Variants in TGM3 observed in about 807,000 individuals in gnomAD.
TGM3 encodes transglutaminase 3.
In TGM3, 52 loss-of-function variants were observed where a neutral mutation model predicts 73.8. That is an observed-to-expected ratio of 0.70 (90% CI 0.56 to 0.89). The LOEUF (loss-of-function observed/expected upper bound fraction) is 0.89. Ranked by LOEUF, TGM3 falls within the 40% of genes least tolerant of loss-of-function variation. The pLI is 0.00. For synonymous variants in TGM3, 372 were observed against 354.9 expected (o/e 1.05, Z -0.54); for missense variants, 928 against 909.9 (o/e 1.02, Z -0.26).
intron 12 of TGM3, among the ~76,000 whole-genome samples, chr20:2,340,224 G>T (rs1355738966): frequency 6.6e-6 from 1 of 152,114 alleles, no homozygotes; most frequent in Non-Finnish European, 1.5e-5. Context: ...AGAATATTTG[G>T]GAGATCATGG....
chr20:2,327,165 G>T (rs2122239586), intron 8 of TGM3, among the ~76,000 whole-genome samples: 1 of 152,254 alleles, frequency 6.6e-6, no homozygotes, highest in African/African-American at 2.4e-5. Context: ...AAACTATCAA[G>T]GCTCATTAGA....
chr20:2,301,857 C>T (rs575718300), intron 1 of TGM3, among the ~76,000 whole-genome samples: 11 of 152,266 alleles, frequency 7.2e-5, no homozygotes, highest in South Asian at 6.2e-4. Flanking sequence ...TGTGTCACCA[C>T]GTCCGGCTAA....
intron 7 of TGM3, among the ~76,000 whole-genome samples, chr20:2,318,120 A>G (rs979048708): frequency 2.0e-5 from 3 of 152,004 alleles, no homozygotes; most frequent in Non-Finnish European, 2.9e-5. Flanking sequence ...CCCAGGTTCA[A>G]GTGATTCTCC....
Position 2,339,989 on chromosome 20 carries a change from T to G in TGM3, c.1934+2T>G, listed in dbSNP as rs2084371746. 7.3e-7 allele frequency: 1 copy of G among 1,362,330 alleles called. No homozygotes were observed. Among genetic ancestry groups the G allele is most frequent in the Non-Finnish European group, 9.6e-7 (1 of 1,036,302 alleles). 84.4% of individuals were successfully genotyped at this position (1,362,330 alleles called of 1,614,324 possible). A position where few individuals can be genotyped will look rare whatever the true frequency, so the allele number is the denominator to read the frequency against. On this transcript the variant is annotated splice_donor_variant, in intron 12 of 12. Transcript: ENST00000381458. LOFTEE classifies it high-confidence loss of function. Reference sequence around the variant, plus strand: ...GCTGTTGGGTAACCTGAAGATCGAGTGAGTCCTGGGCCTAAGTGGCCGGTG... The same window carrying G: ...GCTGTTGGGTAACCTGAAGATCGAGGGAGTCCTGGGCCTAAGTGGCCGGTG...
At chr20:2,317,943 C>CATATATATATATATATATATATAT (rs61329150) in intron 7 of TGM3, among the ~76,000 whole-genome samples, 1 of 36,192 alleles carries the variant, frequency 2.8e-5, no homozygotes, top group African/African-American at 4.7e-5. Flanking sequence ...ATATATATAT[C>CATATATATATATATATATATATAT]ATATATATAT....
chr20:2,330,183 G>A (rs1266392299), intron 9 of TGM3, among the ~76,000 whole-genome samples: 1 of 152,196 alleles, frequency 6.6e-6, no homozygotes, highest in Admixed American at 6.5e-5. Context: ...CCCCAGAGAG[G>A]AAAAGCTCAT....
intron 7 of TGM3, among the ~76,000 whole-genome samples, chr20:2,322,667 A>T (rs2084268262): frequency 6.6e-6 from 1 of 152,192 alleles, no homozygotes. Flanking sequence ...AAGTCACTTA[A>T]CTTCCCTGAA....
chr20:2,328,704 G>A lies in TGM3; in HGVS notation c.1333+339G>A, dbSNP rs760788442. Reference sequence around the variant, plus strand: ...GGGAGAGACATGGCCCCCATGAAAGGCCCCCAAGGGCTTTGGGAGAGATTT... The same window carrying A: ...GGGAGAGACATGGCCCCCATGAAAGACCCCCAAGGGCTTTGGGAGAGATTT... On this transcript the variant is annotated intron_variant, in intron 9 of 12. Transcript: ENST00000381458. This position sits in a 1 kb window ranked among gnomAD's most constrained non-coding sequence, Gnocchi z 5.2. 6.6e-6 allele frequency among the ~76,000 whole-genome samples: 1 copy of A among 152,212 alleles called. No individual in the cohort carries two copies. Among genetic ancestry groups the A allele is most frequent in the Non-Finnish European group, 1.5e-5 (1 of 68,032 alleles).
intron 4 of TGM3, 106 bp downstream of exon 4, chr20:2,311,235 C>T (rs2084202044): frequency 3.2e-6 from 3 of 934,948 alleles, no homozygotes; most frequent in Non-Finnish European, 5.2e-6. Flanking sequence ...CATCTGCCTG[C>T]CCTTCTATTT....
intron 1 of TGM3, among the ~76,000 whole-genome samples, chr20:2,299,550 G>T (rs947039966): frequency 6.6e-6 from 1 of 152,204 alleles, no homozygotes; most frequent in Non-Finnish European, 1.5e-5. Context: ...GCAGTGGAGG[G>T]CACAAGGCCC....
At chr20:2,330,906 T>C (rs967318913) in intron 9 of TGM3, among the ~76,000 whole-genome samples, 46 of 143,814 alleles carry the variant, frequency 3.2e-4, no homozygotes, top group African/African-American at 1.1e-3. Flanking sequence ...CTCGGGAGGC[T>C]GAAGCAGGAG....
chr20:2,308,585 C>T (rs138843122), intron 1 of TGM3, among the ~76,000 whole-genome samples: 26 of 152,278 alleles, frequency 1.7e-4, no homozygotes, highest in African/African-American at 6.0e-4. Flanking sequence ...TGGCCTTTGA[C>T]CTGCTCCTAT....
intron 11 of TGM3, among the ~76,000 whole-genome samples, chr20:2,337,484 C>T (rs954726532): frequency 3.9e-5 from 6 of 152,076 alleles, no homozygotes; most frequent in Non-Finnish European, 8.8e-5. Flanking sequence ...TTTGGGAAGC[C>T]GAGGCAGGTG....
intron 11 of TGM3, among the ~76,000 whole-genome samples, chr20:2,336,354 G>A (rs1402789187): frequency 1.3e-5 from 2 of 152,110 alleles, no homozygotes; most frequent in Non-Finnish European, 2.9e-5. Flanking sequence ...AGAGCCTCAT[G>A]GGCCAGGCCC....
At position 2,340,526 on chromosome 20, in the gene TGM3, C is replaced by T. The variant is rs776108530; in HGVS notation, c.2027C>T (p.Ser676Phe). 2.5e-6 allele frequency: 4 copies of T among 1,614,066 alleles called. No homozygotes were observed. In the African/African-American group the frequency reaches 5.3e-5, roughly 22 times the overall value. The change falls in exon 13 of 13, where the codon TCC becomes TTC. Residue 676 changes from serine to phenylalanine, a missense_variant. Transcript: ENST00000381458. ...ACCAAGCAACTGCTCGCCGACTTCT[C>T]CTGCAACAAGTTCCCTGCAATCAAG... ...SGTKQLLADF[S>F]CNKFPAIKAM...
Position 2,332,699 on chromosome 20 carries a change from G to A in TGM3, c.1642+389G>A, listed in dbSNP as rs214824. 0.99 allele frequency among the ~76,000 whole-genome samples: 150,109 copies of A among 152,318 alleles called. 73,974 individuals carry two copies. Among genetic ancestry groups the A allele is most frequent in the East Asian group, 1 (5,181 of 5,182 alleles). On this transcript the variant is annotated intron_variant, in intron 10 of 12. Coordinates refer to ENST00000381458, the MANE Select transcript of TGM3 (RefSeq NM_003245.4). The surrounding 1 kb of genome is among the most constrained non-coding windows in gnomAD (Gnocchi z 4.4). ...CTGGGAGAGATTTGTGACTTGCTTC[G>A]GAGATAAAGTATCATAGATAGTAGT... is the stretch of plus-strand genomic sequence containing the variant.
rs1423371700 is a variant in TGM3 at position 2,309,662 on chromosome 20, G to C, written c.13G>C (p.Gly5Arg). The C allele has an allele frequency of 8.1e-6, 13 of 1,613,852 alleles. No homozygotes were observed. The highest frequency in any genetic ancestry group is 1.0e-5 in the Non-Finnish European group (12 of 1,179,986). The change falls in exon 2 of 13, where the codon GGA becomes CGA. Residue 5 changes from glycine (G) to arginine (R), a missense_variant. Gly to Arg is a moderately radical substitution (Grantham distance 125). Transcript: ENST00000381458. MAALGVQSINWQTAF... is the reference protein window; with the variant it reads MAALRVQSINWQTAF... Reference sequence around the variant, plus strand: ...TTCTCCTTTCTGCCTCACAGCTCTAGGAGTCCAGAGTATCAACTGGCAGAC... The same window carrying C: ...TTCTCCTTTCTGCCTCACAGCTCTACGAGTCCAGAGTATCAACTGGCAGAC...
At chr20:2,310,972 G>A in intron 3 of TGM3, 39 bp from the exon 4 acceptor site, 2 of 1,571,658 alleles carry the variant, frequency 1.3e-6, no homozygotes, top group Non-Finnish European at 1.8e-6. Flanking sequence ...AGTCCTCCGA[G>A]GATTCTAGTC....
In TGM3 at chr20:2,296,058, C is replaced by A. The variant is rs770977828; in HGVS notation, c.-6C>A. ...GAGCCTGAGAAGAGGCAGAGGAAGG[C>A]GAAACATGGCTGGTGAGTGCATGGC... On this transcript the variant is annotated 5_prime_UTR_variant, in exon 1 of 13. Coordinates refer to ENST00000381458, the MANE Select transcript of TGM3 (RefSeq NM_003245.4). The A allele has an allele frequency of 1.9e-6, 3 of 1,551,296 alleles. No homozygotes were observed. The highest frequency in any genetic ancestry group is 2.4e-5 in the South Asian group (2 of 84,032).
Sources: gnomAD v4.1 joint callset for allele counts (sites outside exome capture counted in the v4.1 genomes callset) on GRCh38, gnomAD v4.1.1 for gene constraint, Gnocchi (gnomAD v3.1) non-coding constraint, MANE v1.5 for transcripts, NCBI Gene and HGNC (gene_info 2026-07-23, HGNC 2026-07-21) for gene names.